The following LIMA1 variants were observed in gnomAD, a reference collection of about 807,000 sequenced individuals.
LIMA1 encodes the protein LIM domain and actin binding 1.
Under a neutral mutation model 62.6 loss-of-function variants are expected in LIMA1, and 52 were observed. The observed-to-expected ratio is 0.83, with a 90% CI of 0.67 to 1.05. LIMA1 has a LOEUF of 1.05. LIMA1 is among the 50% of genes least tolerant of loss of function. The pLI is 0.00. For missense variants in LIMA1, 780 were observed against 902.2 expected (o/e 0.86, Z 1.74); for synonymous variants, 302 against 317.8 (o/e 0.95, Z 0.53).
chr12:50,260,459 AT>A (rs1484480790), intron 1 of LIMA1, among the ~76,000 whole-genome samples: 6 of 152,136 alleles, frequency 3.9e-5, no homozygotes, highest in African/African-American at 1.2e-4. Flanking sequence ...CAGTCCTAGA[AT>A]TTCTACTCCA....
At chr12:50,242,364 T>G (rs575548278) in intron 2 of LIMA1, among the ~76,000 whole-genome samples, 4 of 151,958 alleles carry the variant, frequency 2.6e-5, no homozygotes, top group African/African-American at 7.2e-5. Flanking sequence ...GCTCTTTGTT[T>G]TTTTTTTTTA....
chr12:50,195,687 G>A (rs1236284096), intron 8 of LIMA1, 143 bp downstream of exon 8: 1 of 725,992 alleles, frequency 1.4e-6, no homozygotes, highest in Non-Finnish European at 2.2e-6. Flanking sequence ...GTGTGTAAAG[G>A]ACATTCAAGC....
At chr12:50,265,462 G>T (rs1042860750) in intron 1 of LIMA1, among the ~76,000 whole-genome samples, 9 of 151,936 alleles carry the variant, frequency 5.9e-5, no homozygotes, top group Non-Finnish European at 1.2e-4. Flanking sequence ...GGAGGTTGCG[G>T]TGAGCCAAGA....
In LIMA1 at chr12:50,222,053, T is replaced by A; in HGVS notation, c.598A>T (p.Met200Leu). Reference sequence around the variant, plus strand: ...TGAGTTGGTTCACCTTTCTCAAACATCATCTTAAGCCTGTTCAGCGGAACA... The same window carrying A: ...TGAGTTGGTTCACCTTTCTCAAACAACATCTTAAGCCTGTTCAGCGGAACA... ...YNVPLNRLKMMFEKGEPTQTK... is the reference protein window; with the variant it reads ...YNVPLNRLKMLFEKGEPTQTK... The change falls in exon 4 of 11, where the codon ATG (methionine) becomes TTG (leucine). Residue 200 changes from methionine (M) to leucine (L), a missense_variant. By Grantham distance (15) the Met-to-Leu change is conservative. Coordinates refer to ENST00000341247, the MANE Select transcript of LIMA1 (RefSeq NM_016357.5). The A allele has an allele frequency of 6.2e-7, 1 of 1,611,980 alleles. No homozygotes were observed. Among genetic ancestry groups the A allele is most frequent in the Non-Finnish European group, 8.5e-7 (1 of 1,178,950 alleles).
intron 9 of LIMA1, among the ~76,000 whole-genome samples, chr12:50,183,066 G>C (rs1940541398): frequency 6.6e-6 from 1 of 152,134 alleles, no homozygotes; most frequent in Non-Finnish European, 1.5e-5. Context: ...GGCAGGCGTA[G>C]TGGTACACTC....
intron 5 of LIMA1, among the ~76,000 whole-genome samples, chr12:50,205,113 C>A (rs547670613): frequency 5.3e-5 from 8 of 152,200 alleles, no homozygotes; most frequent in African/African-American, 1.7e-4. Flanking sequence ...CACTCTGTCA[C>A]CCAGGCTAGA....
chr12:50,270,951 G>T (rs1211669888), intron 1 of LIMA1, among the ~76,000 whole-genome samples: 1 of 152,116 alleles, frequency 6.6e-6, no homozygotes, highest in Non-Finnish European at 1.5e-5. Flanking sequence ...AATTAGCCGG[G>T]CGTGGTGGCG....
intron 2 of LIMA1, among the ~76,000 whole-genome samples, chr12:50,241,092 C>T (rs1370757459): frequency 1.3e-5 from 2 of 152,160 alleles, no homozygotes; most frequent in Non-Finnish European, 2.9e-5. Context: ...AATTAATTCA[C>T]CCATATTCCT....
Position 50,178,003 on chromosome 12 carries a change from T to C in LIMA1, c.1341A>G (p.Lys447=). ...YCKPHFNQLF[K]SKGNYDEGFG... ...AGCCTTCATCATAGTTGCCCTTAGA[T>C]TTAAAGAGTTGATTGAAGTGAGGCT... Residue 447 remains lysine (K), a synonymous_variant, in exon 11 of 11, where the codon AAA becomes AAG. Coordinates refer to ENST00000341247, the MANE Select transcript of LIMA1 (RefSeq NM_016357.5). 2 of 1,594,154 alleles carry C rather than the reference T, an allele frequency of 1.3e-6. No homozygotes were observed. The highest frequency in any genetic ancestry group is 1.7e-6 in the Non-Finnish European group (2 of 1,173,488).
intron 3 of LIMA1, chr12:50,229,669 T>G (rs1456157140): frequency 6.6e-6 from 1 of 152,104 alleles, no homozygotes; most frequent in Non-Finnish European, 1.5e-5. Flanking sequence ...GTTGTGCACA[T>G]GTACCCTAGA....
At chr12:50,185,337 C>G in intron 9 of LIMA1, 1 of 455,610 alleles carries the variant, frequency 2.2e-6, no homozygotes, top group Non-Finnish European at 4.4e-6. Flanking sequence ...GGGAAGCAGC[C>G]CAGGGAACAG....
chr12:50,202,871 C>G (rs1229162130), intron 6 of LIMA1, among the ~76,000 whole-genome samples: 3 of 152,018 alleles, frequency 2.0e-5, no homozygotes, highest in Non-Finnish European at 2.9e-5. Context: ...ACAATTAGGA[C>G]ATCAAGAGAT....
chr12:50,211,115 A>G (rs1941248283), intron 4 of LIMA1, among the ~76,000 whole-genome samples: 1 of 152,068 alleles, frequency 6.6e-6, no homozygotes, highest in African/African-American at 2.4e-5. Flanking sequence ...TGAGGTCAGG[A>G]GTTCAAGACC....
At chr12:50,193,557 T>G (rs1431051260) in intron 8 of LIMA1, among the ~76,000 whole-genome samples, 1 of 130,000 alleles carries the variant, frequency 7.7e-6, no homozygotes, top group African/African-American at 3.1e-5. Context: ...ATATATATCA[T>G]ATATGTATAT....
intron 1 of LIMA1, among the ~76,000 whole-genome samples, chr12:50,266,711 C>CA (rs1388183061): frequency 1.3e-5 from 2 of 152,140 alleles, no homozygotes; most frequent in African/African-American, 4.8e-5. Flanking sequence ...AGATTTCCCT[C>CA]AAAAAAGTCA....
At chr12:50,182,620 A>G (rs1940530887) in intron 9 of LIMA1, among the ~76,000 whole-genome samples, 1 of 152,250 alleles carries the variant, frequency 6.6e-6, no homozygotes, top group Non-Finnish European at 1.5e-5. Context: ...AACAATTTAT[A>G]AGAGACACAA....
rs144374512 is a variant in LIMA1 at position 50,206,065 on chromosome 12, G to T, written c.634C>A (p.Leu212Ile). The T allele has an allele frequency of 1.2e-4, 188 of 1,611,648 alleles. No individual in the cohort carries two copies. In the African/African-American group the frequency reaches 2.0e-3, roughly 17 times the overall value. The change falls in exon 5 of 11, where the codon CTC becomes ATC. Residue 212 changes from leucine (L) to isoleucine (I), a missense_variant. By Grantham distance (5) the Leu-to-Ile change is conservative (BLOSUM62 2). Transcript: ENST00000341247. ...CTTGCACTTCGGCTTTGGGCCCGGA[G>T]AATCTGGAAAACGAAACCCAACGAT... is the stretch of plus-strand genomic sequence containing the variant. ...EKGEPTQTKI[L>I]RAQSRSASGR...
Position 50,181,991 on chromosome 12 carries a change from G to A in LIMA1, c.1187C>T (p.Thr396Ile). The change falls in exon 10 of 11, where the codon ACA becomes ATA. Residue 396 changes from threonine (T) to isoleucine (I), a missense_variant. Transcript: ENST00000341247. The part of the protein sequence containing the change: ...ARETCVECQK[T>I]VYPMERLLAN... ...CAAGAGACGCTCCATTGGATAGACTGTCTTCTGACATTCCACGCAGGTCTC... is the reference window on the plus strand; with the variant it reads ...CAAGAGACGCTCCATTGGATAGACTATCTTCTGACATTCCACGCAGGTCTC... 1 of 1,613,332 alleles carries A rather than the reference G, an allele frequency of 6.2e-7. No homozygotes were observed. Among genetic ancestry groups the A allele is most frequent in the Non-Finnish European group, 8.5e-7 (1 of 1,180,036 alleles).
rs556830881 is a variant in LIMA1, at chr12:50,266,682, T to A, written c.-24+16738A>T. On this transcript the variant is annotated intron_variant, in intron 1 of 10. Coordinates refer to ENST00000341247, the MANE Select transcript of LIMA1 (RefSeq NM_016357.5). Reference sequence around the variant, plus strand: ...TAGTTTAAAAGGCCTATGCATTAAATTTTTAAATAGATATTCTGAGATTTC... The same window carrying A: ...TAGTTTAAAAGGCCTATGCATTAAAATTTTAAATAGATATTCTGAGATTTC... Among the ~76,000 whole-genome samples, 7 of 152,324 alleles carry A rather than the reference T, an allele frequency of 4.6e-5. No homozygotes were observed. In the East Asian group the frequency reaches 7.7e-4, roughly 17 times the overall value.
Sources: allele counts gnomAD v4.1 joint callset (sites outside exome capture counted in the v4.1 genomes callset), GRCh38; gene constraint gnomAD v4.1.1; transcripts MANE v1.5; gene names NCBI Gene and HGNC (gene_info 2026-07-23, HGNC 2026-07-21).